Variants in SLC7A2 observed in about 807,000 individuals in gnomAD.
SLC7A2 encodes the protein solute carrier family 7 member 2, also known as cationic amino acid transporter 2.
SLC7A2 carries 48 observed loss-of-function variants against 58.9 expected under a neutral mutation model. The observed-to-expected ratio is 0.82, with a 90% CI of 0.65 to 1.04. SLC7A2 has a LOEUF of 1.04. SLC7A2 is among the 50% of genes least tolerant of loss of function. The pLI is 0.00. For missense variants in SLC7A2, 1,029 were observed against 818.8 expected (o/e 1.26, Z -3.13); for synonymous variants, 363 against 314.5 (o/e 1.15, Z -1.63).
At chr8:17,504,418 C>A (rs1800285553) in intron 2 of SLC7A2, among the ~76,000 whole-genome samples, 1 of 152,146 alleles carries the variant, frequency 6.6e-6, no homozygotes, top group Non-Finnish European at 1.5e-5. Flanking sequence ...TCTTGTATTG[C>A]AGTGATATTT....
chr8:17,547,745 A>G (rs1286782986), intron 4 of SLC7A2, among the ~76,000 whole-genome samples: 1 of 151,738 alleles, frequency 6.6e-6, no homozygotes, highest in Non-Finnish European at 1.5e-5. Flanking sequence ...AAGATTATGC[A>G]GCTGTTAAAA....
At chr8:17,525,521 C>T (rs907421853) in intron 2 of SLC7A2, among the ~76,000 whole-genome samples, 3 of 152,134 alleles carry the variant, frequency 2.0e-5, no homozygotes, top group African/African-American at 7.2e-5. Context: ...TATACAGATA[C>T]GGGTTTGGGT....
chr8:17,497,867 C>T (rs1406125053), intron 1 of SLC7A2, among the ~76,000 whole-genome samples: 2 of 152,040 alleles, frequency 1.3e-5, no homozygotes, highest in East Asian at 3.9e-4. Context: ...TTTTATAAGC[C>T]CGTTTCATGA....
chr8:17,496,837 T>C (rs185969216), upstream of SLC7A2, among the ~76,000 whole-genome samples: 3 of 152,138 alleles, frequency 2.0e-5, no homozygotes, highest in Non-Finnish European at 4.4e-5. Flanking sequence ...GCGCGCAGCC[T>C]CTCTTCCCCG....
At chr8:17,547,685 A>G (rs1802237919) in intron 4 of SLC7A2, among the ~76,000 whole-genome samples, 1 of 152,090 alleles carries the variant, frequency 6.6e-6, no homozygotes, top group Non-Finnish European at 1.5e-5. Flanking sequence ...GAGTGATCTA[A>G]TTGTCTATAA....
chr8:17,501,043 T>C (rs1404788256), intron 1 of SLC7A2, among the ~76,000 whole-genome samples: 1 of 151,592 alleles, frequency 6.6e-6, no homozygotes, highest in Non-Finnish European at 1.5e-5. Flanking sequence ...AGACAGAGTC[T>C]CGTTCTGACG....
intron 2 of SLC7A2, among the ~76,000 whole-genome samples, chr8:17,532,257 AAACC>A (rs1801490587): frequency 1.3e-4 from 5 of 37,786 alleles, no homozygotes; most frequent in Non-Finnish European, 4.2e-4. Flanking sequence ...AAAAAAAAAA[AAACC>A]CCAGCAATTC....
In SLC7A2 at chr8:17,565,191, T is replaced by C; in HGVS notation, c.*45T>C. The C allele has an allele frequency of 6.9e-7, 1 of 1,455,512 alleles. No homozygotes were observed. The highest frequency in any genetic ancestry group is 9.5e-7 in the Non-Finnish European group (1 of 1,057,268). The allele number at this position is 1,455,512 out of a possible 1,614,324, so 90.2% of individuals were successfully genotyped here. Reference sequence around the variant, plus strand: ...GGTCATCGTCTTAGCATACATATCCTACACTGAGTAAACCGTAACGGGATG... The same window carrying C: ...GGTCATCGTCTTAGCATACATATCCCACACTGAGTAAACCGTAACGGGATG... On this transcript the variant is annotated 3_prime_UTR_variant, in exon 13 of 13. Transcript: ENST00000494857.
chr8:17,532,199 C>T (rs574460103), intron 2 of SLC7A2, among the ~76,000 whole-genome samples: 28 of 128,618 alleles, frequency 2.2e-4, no homozygotes, highest in African/African-American at 8.2e-4. Context: ...CACTACACTC[C>T]AGCCTGGGCA....
rs1271728388 is a variant in SLC7A2 at position 17,567,177 on chromosome 8, G to A, written c.*2031G>A. On this transcript the variant is annotated 3_prime_UTR_variant, in exon 13 of 13. Transcript: ENST00000494857. ...AAGGAGTTGGATAAGCACAGGCTCG[G>A]GTATTTTGGTAGGGACTGTAGGCAT... The A allele has an allele frequency of 1.3e-5, 2 of 152,480 alleles. No homozygotes were observed. The highest frequency in any genetic ancestry group is 4.8e-5 in the African/African-American group (2 of 41,400). 9.4% of individuals were successfully genotyped at this position (152,480 alleles called of 1,614,324 possible).
At chr8:17,552,122 G>C in intron 7 of SLC7A2, 136 bp downstream of exon 7, 1 of 661,366 alleles carries the variant, frequency 1.5e-6, no homozygotes, top group Non-Finnish European at 2.6e-6. Flanking sequence ...TTATTGATTG[G>C]CTTGCTCAGA....
chr8:17,552,783 A>G (rs1264594789), intron 7 of SLC7A2, among the ~76,000 whole-genome samples: 2 of 152,222 alleles, frequency 1.3e-5, no homozygotes, highest in African/African-American at 2.4e-5. Flanking sequence ...CCTTATTTCA[A>G]TTAACATATG....
At chr8:17,559,004 T>C (rs898415200) in intron 9 of SLC7A2, among the ~76,000 whole-genome samples, 1 of 152,200 alleles carries the variant, frequency 6.6e-6, no homozygotes, top group Non-Finnish European at 1.5e-5. Flanking sequence ...CTGGATGAAA[T>C]TGTACCAAAG....
intron 2 of SLC7A2, among the ~76,000 whole-genome samples, chr8:17,504,086 C>T (rs896683319): frequency 1.3e-5 from 2 of 152,178 alleles, no homozygotes; most frequent in African/African-American, 4.8e-5. Context: ...AACTCAGAGG[C>T]CTGGCGTTTT....
At chr8:17,515,498 G>A (rs1310567319) in intron 2 of SLC7A2, among the ~76,000 whole-genome samples, 4 of 152,080 alleles carry the variant, frequency 2.6e-5, no homozygotes, top group Non-Finnish European at 5.9e-5. Flanking sequence ...GTTTCACCAT[G>A]TTGGCCAGGA....
At chr8:17,512,869 C>A (rs1800660587) in intron 2 of SLC7A2, among the ~76,000 whole-genome samples, 1 of 152,182 alleles carries the variant, frequency 6.6e-6, no homozygotes, top group Admixed American at 6.5e-5. Context: ...GAACTTTATA[C>A]ATGTGGAATC....
chr8:17,543,376 T>C lies in SLC7A2; in HGVS notation c.37T>C (p.Cys13Arg). ...PCRAALTFAR[C>R]LIRRKIVTLD... Reference sequence around the variant, plus strand: ...CAGAGCCGCGCTGACCTTTGCCCGATGTCTGATCCGGAGAAAAATCGTGAC... The same window carrying C: ...CAGAGCCGCGCTGACCTTTGCCCGACGTCTGATCCGGAGAAAAATCGTGAC... Residue 13 changes from cysteine to arginine, a missense_variant, in exon 3 of 13, where the codon TGT (cysteine) becomes CGT (arginine). Physicochemically the swap from Cys to Arg is radical, Grantham distance 180 (BLOSUM62 -3). Transcript: ENST00000494857. 5 of 1,614,164 alleles carry C rather than the reference T, an allele frequency of 3.1e-6. No homozygotes were observed. Among genetic ancestry groups the C allele is most frequent in the Non-Finnish European group, 4.2e-6 (5 of 1,180,018 alleles).
At chr8:17,498,233 A>G (rs184810334) in intron 1 of SLC7A2, among the ~76,000 whole-genome samples, 3 of 152,358 alleles carry the variant, frequency 2.0e-5, no homozygotes, top group African/African-American at 4.8e-5. Flanking sequence ...ATGAGAGGAT[A>G]TCGTCAGATC....
rs1426143132 is a variant in SLC7A2 at position 17,568,099 on chromosome 8, T to C, written c.*2953T>C. 1 of 152,160 alleles carries C rather than the reference T, an allele frequency of 6.6e-6. No homozygotes were observed. Among genetic ancestry groups the C allele is most frequent in the African/African-American group, 2.4e-5 (1 of 41,430 alleles). The allele number at this position is 152,160 out of a possible 1,614,324, so 9.4% of individuals were successfully genotyped here. On this transcript the variant is annotated 3_prime_UTR_variant, in exon 13 of 13. Transcript: ENST00000494857. The stretch of plus-strand genomic sequence containing the variant: ...AATCAATCAAAATTATATAAAGTCT[T>C]CTCCAGTAATTAAGAAATACATATG...
Sources: gnomAD v4.1 joint callset for allele counts (sites outside exome capture counted in the v4.1 genomes callset) on GRCh38, gnomAD v4.1.1 for gene constraint, MANE v1.5 for transcripts, NCBI Gene and HGNC (gene_info 2026-07-23, HGNC 2026-07-21) for gene names.